Variants in LCOR observed in about 807,000 individuals in gnomAD.
LCOR encodes ligand dependent nuclear receptor corepressor.
Under a neutral mutation model 64.4 loss-of-function variants are expected in LCOR, and 14 were observed. The observed-to-expected ratio is 0.22, with a 90% CI of 0.14 to 0.34. LCOR has a LOEUF of 0.34. Ranked by LOEUF, LCOR falls within the 10% of genes least tolerant of loss-of-function variation. The pLI is 1.00. For missense variants in LCOR, 1,686 were observed against 1,765.3 expected, an observed-to-expected ratio of 0.96 and a Z score of 0.80; for synonymous variants, 643 against 642.5, an observed-to-expected ratio of 1.00 and a Z score of -0.01.
At chr10:96,956,592 A>G (rs977511158) in intron 7 of LCOR, 1 of 985,664 alleles carries the variant, frequency 1.0e-6, no homozygotes, top group African/African-American at 1.7e-5. Context: ...AGGTGGTGGA[A>G]AATGTGCACA....
chr10:96,952,618 G>A (rs1159152999), intron 7 of LCOR, among the ~76,000 whole-genome samples: 1 of 151,914 alleles, frequency 6.6e-6, no homozygotes, highest in Non-Finnish European at 1.5e-5. Context: ...GTTTGGTTTT[G>A]GTGATGGAGA....
intron 7 of LCOR, among the ~76,000 whole-genome samples, chr10:96,966,930 T>G (rs143722012): frequency 6.6e-6 from 1 of 152,286 alleles, no homozygotes; most frequent in African/African-American, 2.4e-5. Flanking sequence ...GAGACAAGGT[T>G]TCAGTACGTT....
chr10:96,964,565 A>C (rs1449730385), intron 7 of LCOR: 1 of 152,058 alleles, frequency 6.6e-6, no homozygotes, highest in African/African-American at 2.4e-5. Flanking sequence ...TTTAATGATA[A>C]ATTCTTTCTA....
chr10:96,975,221 A>G (rs80348372), intron 7 of LCOR, among the ~76,000 whole-genome samples: 1 of 152,080 alleles, frequency 6.6e-6, no homozygotes, highest in South Asian at 2.1e-4. Flanking sequence ...AAAATTCCAG[A>G]AAAAAAAGTA....
intron 7 of LCOR, among the ~76,000 whole-genome samples, chr10:96,965,634 C>A (rs1462925185): frequency 7.0e-6 from 1 of 141,856 alleles, no homozygotes; most frequent in African/African-American, 2.7e-5. Context: ...TGCACTCCAG[C>A]CTGGGCGACA....
Position 96,982,445 on chromosome 10 carries a change from T to C in LCOR, c.1985T>C (p.Met662Thr), listed in dbSNP as rs1362125210. Residue 662 changes from methionine to threonine, a missense_variant, in exon 8 of 8, where the codon ATG (methionine) becomes ACG (threonine). Transcript: ENST00000421806. ...PPVALLDTEEMSVPQDCHLLP... is the reference protein window; with the variant it reads ...PPVALLDTEETSVPQDCHLLP... Reference sequence around the variant, plus strand: ...GTTGCACTGTTGGATACGGAGGAGATGAGTGTACCCCAGGACTGTCACCTC... The same window carrying C: ...GTTGCACTGTTGGATACGGAGGAGACGAGTGTACCCCAGGACTGTCACCTC... The C allele has an allele frequency of 1.2e-6, 2 of 1,614,052 alleles. No individual in the cohort carries two copies. Among genetic ancestry groups the C allele is most frequent in the Non-Finnish European group, 1.7e-6 (2 of 1,180,010 alleles).
Position 96,937,481 on chromosome 10 carries a change from C to G in LCOR, c.-183-6632C>G, listed in dbSNP as rs1180506324. On this transcript the variant is annotated intron_variant, in intron 4 of 7. Transcript: ENST00000421806. The stretch of plus-strand genomic sequence containing the variant: ...TTTATAAACTCCCATCAAAGAAAAG[C>G]CCATGGCCAGGTATCTTCACTGGTA... Among the ~76,000 whole-genome samples, 7 of 152,104 alleles carry G rather than the reference C, an allele frequency of 4.6e-5. No homozygotes were observed. The South Asian group carries it at 1.2e-3, about 27-fold the overall frequency.
chr10:96,967,968 A>G (rs1198590900), intron 7 of LCOR, among the ~76,000 whole-genome samples: 2 of 152,224 alleles, frequency 1.3e-5, no homozygotes, highest in South Asian at 4.1e-4. Flanking sequence ...TGGGTCCTAC[A>G]CTAGACTAGA....
Position 96,846,267 on chromosome 10 carries a change from T to A in LCOR, c.-330+12788T>A, listed in dbSNP as rs117969062. On this transcript the variant is annotated intron_variant, in intron 2 of 7. Transcript: ENST00000421806. ...CTTTAAGTTTTTTTTTTTCTTTTTT[T>A]AAATTAAGACAGGGTCTTGCTCTGT... Among the ~76,000 whole-genome samples the A allele has an allele frequency of 4.8e-3, 734 of 152,242 alleles. 22 individuals are homozygous for A. The East Asian group carries it at 0.079, about 16-fold the overall frequency.
chr10:96,901,166 G>A (rs1246055241), intron 2 of LCOR, among the ~76,000 whole-genome samples: 1 of 151,744 alleles, frequency 6.6e-6, no homozygotes, highest in Non-Finnish European at 1.5e-5. Flanking sequence ...TCCAGCCTGG[G>A]CGACAGAGAC....
intron 2 of LCOR, among the ~76,000 whole-genome samples, chr10:96,905,573 T>G (rs1846713507): frequency 6.6e-6 from 1 of 152,104 alleles, no homozygotes; most frequent in African/African-American, 2.4e-5. Context: ...TTTCTTCTCT[T>G]CTCTTATCAC....
intron 2 of LCOR, among the ~76,000 whole-genome samples, chr10:96,837,884 A>G (rs182956804): frequency 1.3e-5 from 2 of 152,334 alleles, no homozygotes; most frequent in Non-Finnish European, 1.5e-5. Flanking sequence ...CTCTTAATTC[A>G]TATTTCCCGT....
rs990462312 is a variant in LCOR at position 96,957,778 on chromosome 10, G to A, written c.332+5582G>A. On this transcript the variant is annotated intron_variant, in intron 7 of 7. Coordinates refer to ENST00000421806, the MANE Select transcript of LCOR (RefSeq NM_001346516.2). ...CACCATTGCTGTTACTAAAATACATGCACTGCTCATTCTTGACATAGCTTG... is the reference window on the plus strand; with the variant it reads ...CACCATTGCTGTTACTAAAATACATACACTGCTCATTCTTGACATAGCTTG... The A allele has an allele frequency of 3.0e-6, 3 of 985,370 alleles. No homozygotes were observed. The African/African-American group carries it at 5.2e-5, about 17-fold the overall frequency. 61.0% of individuals were successfully genotyped at this position (985,370 alleles called of 1,614,324 possible).
At chr10:96,916,597 A>G (rs867853549) in intron 4 of LCOR, among the ~76,000 whole-genome samples, 1 of 149,074 alleles carries the variant, frequency 6.7e-6, no homozygotes, top group African/African-American at 2.5e-5. Context: ...CTATATATAT[A>G]TATATATATC....
At chr10:96,903,602 AT>A (rs1171299998) in intron 2 of LCOR, among the ~76,000 whole-genome samples, 1 of 152,050 alleles carries the variant, frequency 6.6e-6, no homozygotes, top group Non-Finnish European at 1.5e-5. Flanking sequence ...CCGTTTTTTC[AT>A]TCTGTTAATT....
At chr10:96,853,987 C>T (rs1027007278) in intron 2 of LCOR, among the ~76,000 whole-genome samples, 1 of 152,156 alleles carries the variant, frequency 6.6e-6, no homozygotes, top group Non-Finnish European at 1.5e-5. Context: ...GATTCGATTA[C>T]CTCTATCTGG....
chr10:96,984,528 C>G lies in LCOR; in HGVS notation c.4068C>G (p.Ser1356=), dbSNP rs1848128530. The G allele has an allele frequency of 6.2e-7, 1 of 1,614,068 alleles. No homozygotes were observed. Among genetic ancestry groups the G allele is most frequent in the Non-Finnish European group, 8.5e-7 (1 of 1,180,060 alleles). The change falls in exon 8 of 8, where the codon TCC becomes TCG. Residue 1356 remains serine, a synonymous_variant. Transcript: ENST00000421806. ...RKSVCINPLM[S]PKLALQVDAD... ...GCGTATGCATCAACCCTCTGATGTCCCCCAAGCTTGCCCTGCAAGTGGATG... is the reference window on the plus strand; with the variant it reads ...GCGTATGCATCAACCCTCTGATGTCGCCCAAGCTTGCCCTGCAAGTGGATG...
chr10:96,871,579 AT>A (rs796092511), intron 2 of LCOR, among the ~76,000 whole-genome samples: 299 of 139,954 alleles, frequency 2.1e-3, no homozygotes, highest in Middle Eastern at 3.7e-3. Flanking sequence ...CGCCTGGCTA[AT>A]TTTTTTTTTT....
intron 2 of LCOR, among the ~76,000 whole-genome samples, chr10:96,863,286 C>T (rs1845919714): frequency 6.6e-6 from 1 of 151,144 alleles, no homozygotes; most frequent in African/African-American, 2.4e-5. Flanking sequence ...TCACTGCAAC[C>T]TCCGCCTCCT....
Sources: gnomAD v4.1 joint callset for allele counts (sites outside exome capture counted in the v4.1 genomes callset) on GRCh38, gnomAD v4.1.1 for gene constraint, MANE v1.5 for transcripts, NCBI Gene and HGNC (gene_info 2026-07-23, HGNC 2026-07-21) for gene names.